CRACD: variants seen among roughly 807,000 people sequenced by gnomAD.
The protein encoded by CRACD is capping protein inhibiting regulator of actin dynamics.
Under a neutral mutation model 106.8 loss-of-function variants are expected in CRACD, and 56 were observed. The observed-to-expected ratio is 0.52, with a 90% confidence interval of 0.42 to 0.66. CRACD has a LOEUF of 0.66. Ranked by LOEUF, CRACD falls within the 30% of genes least tolerant of loss-of-function variation. The probability of loss-of-function intolerance (pLI) is 0.00; values close to 1 mark genes in which losing one functional copy is unlikely to be tolerated. For missense variants in CRACD, 1,730 were observed against 1,623.2 expected, an observed-to-expected ratio of 1.07 and a Z score of -1.13; for synonymous variants, 754 against 670.8, an observed-to-expected ratio of 1.12 and a Z score of -1.92.
At chr4:56,273,331 T>C (rs1346607029) in intron 3 of CRACD, among the ~76,000 whole-genome samples, 6 of 150,680 alleles carry the variant, frequency 4.0e-5, no homozygotes, top group Non-Finnish European at 7.4e-5. Flanking sequence ...CTTCCTTCCT[T>C]CCTCCCTCCC....
At chr4:56,164,950 G>A (rs1172739703) in intron 1 of CRACD, among the ~76,000 whole-genome samples, 5 of 152,202 alleles carry the variant, frequency 3.3e-5, no homozygotes, top group African/African-American at 1.2e-4. Context: ...CAGACCTAGT[G>A]AGAACATCTG....
intron 1 of CRACD, among the ~76,000 whole-genome samples, chr4:56,160,185 A>ATTT (rs544168622): frequency 3.2e-5 from 2 of 63,272 alleles, no homozygotes; most frequent in East Asian, 3.0e-4. Flanking sequence ...CCATATTTTG[A>ATTT]TTTTTTTTTT....
At chr4:56,088,727 CTT>C (rs749058870) in intron 1 of CRACD, among the ~76,000 whole-genome samples, 1 of 147,302 alleles carries the variant, frequency 6.8e-6, no homozygotes, top group African/African-American at 2.5e-5. Flanking sequence ...ATATACTGTA[CTT>C]TTTTTTTTGA....
chr4:56,290,386 G>A (rs550499056), intron 3 of CRACD, among the ~76,000 whole-genome samples: 1 of 152,352 alleles, frequency 6.6e-6, no homozygotes, highest in South Asian at 2.1e-4. Context: ...TAGGAGTTCT[G>A]TGGGAAGATT....
chr4:56,074,083 G>A (rs186156202), intron 1 of CRACD, among the ~76,000 whole-genome samples: 1 of 151,390 alleles, frequency 6.6e-6, no homozygotes, highest in African/African-American at 2.4e-5. Context: ...GGTATATACT[G>A]TAGTCTTGTA....
chr4:56,174,447 C>T (rs549154763), intron 1 of CRACD, among the ~76,000 whole-genome samples: 4 of 152,318 alleles, frequency 2.6e-5, no homozygotes, highest in African/African-American at 9.6e-5. Context: ...CCTCTCCCTG[C>T]TTCCCTTCTT....
chr4:56,326,946 G>A (rs751235950), intron 10 of CRACD, among the ~76,000 whole-genome samples: 1 of 151,602 alleles, frequency 6.6e-6, no homozygotes, highest in Non-Finnish European at 1.5e-5. Flanking sequence ...CACCATGTTG[G>A]CCAGGCTGGT....
At chr4:56,138,382 T>C (rs1254888867) in intron 1 of CRACD, among the ~76,000 whole-genome samples, 1 of 151,990 alleles carries the variant, frequency 6.6e-6, no homozygotes, top group Non-Finnish European at 1.5e-5. Context: ...GAAAACTGCT[T>C]GAACTTGGGA....
chr4:56,291,895 G>A (rs867244324), intron 3 of CRACD, among the ~76,000 whole-genome samples: 3 of 152,188 alleles, frequency 2.0e-5, no homozygotes, highest in Non-Finnish European at 1.5e-5. Flanking sequence ...ATGGGGCATT[G>A]CTATAAAGAT....
At chr4:56,256,380 T>TG (rs1379036881) in intron 2 of CRACD, among the ~76,000 whole-genome samples, 6 of 152,230 alleles carry the variant, frequency 3.9e-5, no homozygotes, top group Admixed American at 2.0e-4. Flanking sequence ...CATGGAACTG[T>TG]AGTCCATTAA....
At position 56,313,266 on chromosome 4, in the gene CRACD, T is replaced by C. The variant is rs1296191406; in HGVS notation, c.424T>C (p.Leu142=). The C allele has an allele frequency of 7.4e-6, 12 of 1,614,042 alleles. No homozygotes were observed. Among genetic ancestry groups the C allele is most frequent in the Middle Eastern group, 1.6e-4 (1 of 6,084 alleles). Residue 142 remains leucine, a synonymous_variant, in exon 7 of 11, where the codon TTA becomes CTA. Transcript: ENST00000682029. The part of the protein sequence containing the change: ...SSAGTIESVN[L]DAIPLAIARL... Reference sequence around the variant, plus strand: ...TGCTGGCACCATCGAAAGTGTCAACTTAGATGCCATCCCCCTGGCCATCGC... The same window carrying C: ...TGCTGGCACCATCGAAAGTGTCAACCTAGATGCCATCCCCCTGGCCATCGC...
chr4:56,125,710 C>T (rs1734634787), intron 1 of CRACD, among the ~76,000 whole-genome samples: 1 of 151,670 alleles, frequency 6.6e-6, no homozygotes, highest in African/African-American at 2.4e-5. Context: ...AGCCACTGCG[C>T]CTGACTGGAT....
chr4:56,243,672 T>C (rs534075941), intron 2 of CRACD, among the ~76,000 whole-genome samples: 4 of 152,276 alleles, frequency 2.6e-5, no homozygotes, highest in African/African-American at 9.6e-5. Flanking sequence ...GTATATATTT[T>C]TGGGGTACAT....
At chr4:56,191,677 C>G (rs1035474761) in intron 2 of CRACD, among the ~76,000 whole-genome samples, 9 of 152,252 alleles carry the variant, frequency 5.9e-5, no homozygotes, top group Non-Finnish European at 1.3e-4. Context: ...TGCGGCAGCA[C>G]TGCCTGCAGT....
intron 1 of CRACD, among the ~76,000 whole-genome samples, chr4:56,158,903 C>G (rs1342252170): frequency 1.3e-5 from 2 of 152,256 alleles, no homozygotes; most frequent in Non-Finnish European, 2.9e-5. Flanking sequence ...CTCCCCTGAG[C>G]CTTTGAATGC....
intron 3 of CRACD, among the ~76,000 whole-genome samples, chr4:56,286,525 C>CAAAAAAAAAAAAAAAAAAAAAAAAAAAA (rs61498428): frequency 1.0e-4 from 9 of 89,374 alleles, no homozygotes; most frequent in African/African-American, 3.2e-4. Context: ...GACTCCGTCT[C>CAAAAAAAAAAAAAAAAAAAAAAAAAAAA]AAAAAAAAAA....
intron 3 of CRACD, among the ~76,000 whole-genome samples, chr4:56,291,178 AGT>A (rs1743681455): frequency 6.6e-6 from 1 of 152,132 alleles, no homozygotes; most frequent in East Asian, 1.9e-4. Context: ...GCAGAGAGAG[AGT>A]GAGGGAAAGT....
intron 3 of CRACD, among the ~76,000 whole-genome samples, chr4:56,281,150 AG>A (rs1406632090): frequency 1.3e-5 from 2 of 152,252 alleles, no homozygotes; most frequent in South Asian, 2.1e-4. Context: ...GCCGCACAGC[AG>A]GGGGTAAGTG....
intron 1 of CRACD, among the ~76,000 whole-genome samples, chr4:56,070,583 G>C (rs570377203): frequency 6.6e-6 from 1 of 151,962 alleles, no homozygotes; most frequent in African/African-American, 2.4e-5. Context: ...CACCTTGCCC[G>C]GCCCGAGTCC....
Sources: gnomAD v4.1 joint callset for allele counts (sites outside exome capture counted in the v4.1 genomes callset) on GRCh38, gnomAD v4.1.1 for gene constraint, MANE v1.5 for transcripts, NCBI Gene and HGNC (gene_info 2026-07-23, HGNC 2026-07-21) for gene names.